The following C12orf42 variants were observed in gnomAD, a reference collection of about 807,000 sequenced individuals.
C12orf42 encodes uncharacterized protein C12orf42.
C12orf42 carries 25 observed loss-of-function variants against 21.6 expected under a neutral mutation model. The ratio of observed to expected loss-of-function variants is 1.16; its 90% CI spans 0.84 to 1.62. The LOEUF (loss-of-function observed/expected upper bound fraction) is 1.62, where lower values mean the gene tolerates loss of function less well. Among genes scored for constraint, C12orf42 ranks in the 40% most tolerant of loss-of-function variants. C12orf42 has a pLI of 0.00. For synonymous variants in C12orf42, 174 were observed against 175.0 expected (o/e 0.99, Z 0.05); for missense variants, 483 against 459.3 (o/e 1.05, Z -0.47).
chr12:103,287,474 A>C (rs953496404), intron 4 of C12orf42, among the ~76,000 whole-genome samples: 14 of 151,958 alleles, frequency 9.2e-5, no homozygotes, highest in African/African-American at 3.4e-4. Context: ...CAAACACCGC[A>C]TGTTCTCACT....
chr12:103,279,211 CAAGTT>C lies in C12orf42; in HGVS notation n.338-2006_338-2002del, dbSNP rs1051210238. Reference sequence around the variant, plus strand: ...AAAATGCTCTTAAGAAGGTAGATCTCAAGTTAAGTGTTCTTACTGCCCCCCACCAC... The same window carrying C: ...AAAATGCTCTTAAGAAGGTAGATCTCAAGTGTTCTTACTGCCCCCCACCAC... On this transcript the variant is annotated intron_variant and non_coding_transcript_variant, in intron 4 of 6. Transcript: ENST00000546526. Among the ~76,000 whole-genome samples the C allele has an allele frequency of 2.0e-5, 3 of 152,238 alleles. No individual in the cohort carries two copies. The East Asian group carries it at 5.8e-4, about 29-fold the overall frequency.
intron 3 of C12orf42, among the ~76,000 whole-genome samples, chr12:103,395,261 A>G (rs1471070914): frequency 6.6e-6 from 1 of 152,100 alleles, no homozygotes; most frequent in African/African-American, 2.4e-5. Context: ...TCTCAAATAC[A>G]TTTTCAAGAA....
intron 4 of C12orf42, among the ~76,000 whole-genome samples, chr12:103,364,675 C>T (rs1566160140): frequency 6.6e-6 from 1 of 151,796 alleles, no homozygotes; most frequent in South Asian, 2.1e-4. Flanking sequence ...CAGAGAAATA[C>T]AAAATATCAT....
At chr12:103,236,274 A>G (rs918486274), downstream of C12orf42, among the ~76,000 whole-genome samples, 1 of 152,188 alleles carries the variant, frequency 6.6e-6, no homozygotes, top group Non-Finnish European at 1.5e-5. Flanking sequence ...TGAGATAATA[A>G]ATTACTGGGC....
At chr12:103,180,905 G>A in the C12orf42 span, among the ~76,000 whole-genome samples, 1 of 151,890 alleles carries the variant, frequency 6.6e-6, no homozygotes, top group Admixed American at 6.6e-5. Context: ...TGGCATTACA[G>A]GCATAAGCCA....
intron 4 of C12orf42, among the ~76,000 whole-genome samples, chr12:103,293,521 C>T (rs2036956993): frequency 6.6e-6 from 1 of 152,166 alleles, no homozygotes; most frequent in Non-Finnish European, 1.5e-5. Flanking sequence ...AATTCTTCTA[C>T]AGGAAGCCTT....
intron 10 of C12orf42, among the ~76,000 whole-genome samples, chr12:103,257,705 AG>A (rs1400837494): frequency 6.6e-6 from 1 of 151,960 alleles, no homozygotes; most frequent in Non-Finnish European, 1.5e-5. Flanking sequence ...GGGGTTCAAG[AG>A]AAAGTAACAA....
chr12:103,314,187 G>A (rs1244052087), intron 4 of C12orf42, among the ~76,000 whole-genome samples: 1 of 150,834 alleles, frequency 6.6e-6, no homozygotes, highest in Non-Finnish European at 1.5e-5. Context: ...GAAAGGGCAG[G>A]AGAGGTGTTG....
intron 4 of C12orf42, among the ~76,000 whole-genome samples, chr12:103,320,169 A>G (rs755871127): frequency 5.9e-5 from 9 of 152,224 alleles, no homozygotes; most frequent in Admixed American, 4.6e-4. Flanking sequence ...TCCTCTTTCA[A>G]CAAACATCCT....
the C12orf42 span, among the ~76,000 whole-genome samples, chr12:103,210,768 AG>A: frequency 2.0e-5 from 3 of 151,364 alleles, no homozygotes; most frequent in Non-Finnish European, 4.4e-5. Flanking sequence ...TAATTCAGTC[AG>A]GGTATTAGTA....
intron 1 of C12orf42, among the ~76,000 whole-genome samples, chr12:103,487,756 T>C (rs1954930703): frequency 6.6e-6 from 1 of 152,208 alleles, no homozygotes; most frequent in South Asian, 2.1e-4. Flanking sequence ...AAGTCTGTTT[T>C]ATTCAAGACT....
chr12:103,320,910 T>C (rs1358744951), intron 4 of C12orf42, among the ~76,000 whole-genome samples: 1 of 152,190 alleles, frequency 6.6e-6, no homozygotes, highest in African/African-American at 2.4e-5. Flanking sequence ...AAAAAATAGT[T>C]GTAAGTTATT....
At chr12:103,340,442 C>T (rs1163275176) in intron 4 of C12orf42, among the ~76,000 whole-genome samples, 3 of 152,252 alleles carry the variant, frequency 2.0e-5, no homozygotes, top group Non-Finnish European at 2.9e-5. Flanking sequence ...TAGCCTAAGA[C>T]TAACTGCTTC....
At chr12:103,321,807 T>C (rs889533300) in intron 4 of C12orf42, among the ~76,000 whole-genome samples, 3 of 150,542 alleles carry the variant, frequency 2.0e-5, no homozygotes, top group Non-Finnish European at 3.0e-5. Flanking sequence ...TAGGTGGGAA[T>C]TGAACAATGA....
Position 103,295,414 on chromosome 12 carries a change from GT to G in C12orf42, n.338-18205del, listed in dbSNP as rs11431067. On this transcript the variant is annotated intron_variant and non_coding_transcript_variant, in intron 4 of 6. Transcript: ENST00000546526. ...TGTAAATTCATCAACTGCATACATT[GT>G]TTTTTTTTTTAACATATAACTTGCT... Among the ~76,000 whole-genome samples the G allele has an allele frequency of 3.0e-3, 444 of 147,416 alleles. 2 individuals carry two copies. Among genetic ancestry groups the G allele is most frequent in the Non-Finnish European group, 3.8e-3 (255 of 66,376 alleles).
intron 10 of C12orf42, among the ~76,000 whole-genome samples, chr12:103,252,089 A>T (rs1161215460): frequency 6.6e-6 from 1 of 152,042 alleles, no homozygotes; most frequent in East Asian, 1.9e-4. Flanking sequence ...CTGCATGCAT[A>T]AGGTATTTGT....
the C12orf42 span, among the ~76,000 whole-genome samples, chr12:103,123,924 C>G: frequency 9.2e-5 from 14 of 151,904 alleles, no homozygotes; most frequent in East Asian, 1.9e-3. Flanking sequence ...AAACACTTTC[C>G]CAGACATTAA....
At chr12:103,091,399 A>T in the C12orf42 span, among the ~76,000 whole-genome samples, 40 of 150,360 alleles carry the variant, frequency 2.7e-4, no homozygotes, top group Non-Finnish European at 4.6e-4. Flanking sequence ...AAAAAAAAAA[A>T]GATACAAGAA....
At chr12:103,157,514 T>G in the C12orf42 span, among the ~76,000 whole-genome samples, 1 of 152,332 alleles carries the variant, frequency 6.6e-6, no homozygotes, top group South Asian at 2.1e-4. Flanking sequence ...TGCAATTGCC[T>G]TTGGTGTTTT....
Sources: allele counts gnomAD v4.1 joint callset (sites outside exome capture counted in the v4.1 genomes callset), GRCh38; gene constraint gnomAD v4.1.1; transcripts MANE v1.5; gene names NCBI Gene and HGNC (gene_info 2026-07-23, HGNC 2026-07-21).